The following LEKR1 variants were observed in gnomAD, a reference collection of about 807,000 sequenced individuals.
LEKR1 encodes leucine, glutamate and lysine rich 1.
Under a neutral mutation model 72.4 loss-of-function variants are expected in LEKR1, and 59 were observed. The ratio of observed to expected loss-of-function variants is 0.82; its 90% CI spans 0.66 to 1.01. LEKR1 has a LOEUF of 1.01. Among genes scored for constraint, LEKR1 ranks in the 50% least tolerant of loss-of-function variants. LEKR1 has a pLI of 0.00. For missense variants in LEKR1, 728 were observed against 759.2 expected (o/e 0.96, Z 0.48); for synonymous variants, 257 against 263.2 (o/e 0.98, Z 0.23).
intron 3 of LEKR1, among the ~76,000 whole-genome samples, chr3:156,873,429 A>T (rs1718195330): frequency 6.6e-6 from 1 of 151,902 alleles, no homozygotes; most frequent in Non-Finnish European, 1.5e-5. Context: ...GTTATTATTG[A>T]TATGCAAAGG....
intron 3 of LEKR1, among the ~76,000 whole-genome samples, chr3:156,865,372 T>C (rs1717189280): frequency 1.3e-5 from 2 of 152,016 alleles, no homozygotes; most frequent in South Asian, 4.1e-4. Context: ...TTACTCTGAG[T>C]ATTAAATGGG....
intron 3 of LEKR1, among the ~76,000 whole-genome samples, chr3:156,893,685 C>T (rs1388353288): frequency 6.6e-6 from 1 of 152,132 alleles, no homozygotes; most frequent in East Asian, 1.9e-4. Flanking sequence ...TTCTTGATGC[C>T]CTTACCAGAA....
intron 12 of LEKR1, among the ~76,000 whole-genome samples, chr3:157,031,676 A>T (rs1734620634): frequency 6.6e-6 from 1 of 152,210 alleles, no homozygotes; most frequent in African/African-American, 2.4e-5. Flanking sequence ...AATTTCTCAG[A>T]TTCTGGAGAA....
chr3:156,945,494 C>G (rs1319761070), intron 6 of LEKR1, among the ~76,000 whole-genome samples: 1 of 151,678 alleles, frequency 6.6e-6, no homozygotes, highest in Admixed American at 6.6e-5. Flanking sequence ...GCTGCCTGCG[C>G]TTGTGGGGTA....
chr3:156,848,348 A>G (rs1415514683), intron 2 of LEKR1, among the ~76,000 whole-genome samples: 1 of 152,186 alleles, frequency 6.6e-6, no homozygotes, highest in Non-Finnish European at 1.5e-5. Flanking sequence ...ATTACAACCA[A>G]TGAACTTAAT....
chr3:156,857,155 A>G (rs747286221), intron 3 of LEKR1, among the ~76,000 whole-genome samples: 34 of 152,078 alleles, frequency 2.2e-4, no homozygotes, highest in Non-Finnish European at 3.4e-4. Context: ...ATGCTTTTCT[A>G]TCTTCTATTG....
chr3:156,854,254 C>T (rs573074683), intron 3 of LEKR1, among the ~76,000 whole-genome samples: 88 of 149,142 alleles, frequency 5.9e-4, no homozygotes, highest in African/African-American at 2.1e-3. Flanking sequence ...AGCAATTTTC[C>T]TGCGTCAGCC....
chr3:156,831,973 G>C (rs1453740306), intron 2 of LEKR1, among the ~76,000 whole-genome samples: 2 of 152,162 alleles, frequency 1.3e-5, no homozygotes, highest in Non-Finnish European at 2.9e-5. Flanking sequence ...TTTTTAATCT[G>C]TGTGTTATGG....
intron 6 of LEKR1, among the ~76,000 whole-genome samples, chr3:156,958,844 TA>T (rs146651785): frequency 0.032 from 4,821 of 152,228 alleles, 113 homozygotes; most frequent in Non-Finnish European, 0.047. Context: ...CTCAACAAGG[TA>T]TTTTTTTTGT....
Position 156,992,698 on chromosome 3 carries a change from AC to A in LEKR1, c.874del (p.Leu292Ter). ...ATGACTGTCAAAGAGAACTTAAAAAACTGAAGTTTGAATCCATTATTTCTGA... is the reference window on the plus strand; with the variant it reads ...ATGACTGTCAAAGAGAACTTAAAAAATGAAGTTTGAATCCATTATTTCTGA... ...ADDCQRELKKLKFESIISESQ... is the reference protein window; with the variant it reads ...ADDCQRELKKXKFESIISESQ... On this transcript the variant is annotated frameshift_variant, in exon 8 of 13. Transcript: ENST00000356539. LOFTEE classifies it high-confidence loss of function. 2 of 1,045,850 alleles carry A rather than the reference AC, an allele frequency of 1.9e-6. No homozygotes were observed. Among genetic ancestry groups the A allele is most frequent in the Non-Finnish European group, 2.4e-6 (2 of 830,320 alleles). The allele number at this position is 1,045,850 out of a possible 1,614,324, so 64.8% of individuals were successfully genotyped here.
At chr3:156,950,442 ACTGATATTGATT>A (rs924049446) in intron 6 of LEKR1, among the ~76,000 whole-genome samples, 2 of 151,386 alleles carry the variant, frequency 1.3e-5, no homozygotes, top group African/African-American at 4.8e-5. Flanking sequence ...TGGCCATTTT[ACTGATATTGATT>A]CTTCCAATCC....
intron 6 of LEKR1, among the ~76,000 whole-genome samples, chr3:156,955,351 T>C (rs900680230): frequency 3.9e-5 from 6 of 152,034 alleles, no homozygotes; most frequent in African/African-American, 1.4e-4. Context: ...TTCACTTGCC[T>C]GATTGCTCCG....
intron 3 of LEKR1, among the ~76,000 whole-genome samples, chr3:156,899,495 CATATAT>C: frequency 8.8e-6 from 1 of 113,632 alleles, no homozygotes; most frequent in South Asian, 2.6e-4. Context: ...CATATATACA[CATATAT>C]ACATGTATAT....
chr3:157,045,193 T>C (rs1387648777), intron 12 of LEKR1, 147 bp from the exon 13 acceptor site: 12 of 637,924 alleles, frequency 1.9e-5, no homozygotes, highest in Non-Finnish European at 2.9e-5. Flanking sequence ...TCTTGACTTG[T>C]CTGTCCCATG....
chr3:156,917,652 C>T lies in LEKR1; in HGVS notation c.264-2923C>T, dbSNP rs142768906. On this transcript the variant is annotated intron_variant, in intron 3 of 12. Coordinates refer to ENST00000356539, the MANE Select transcript of LEKR1 (RefSeq NM_001004316.3). ...TTTTTAAAATATGTGATTTTCTATT[C>T]AGCCAAACTGTTCCATCTGAGATAA... Among the ~76,000 whole-genome samples, 752 of 152,232 alleles carry T rather than the reference C, an allele frequency of 4.9e-3. 4 individuals carry two copies. Among genetic ancestry groups the T allele is most frequent in the Middle Eastern group, 0.02 (6 of 294 alleles).
intron 6 of LEKR1, among the ~76,000 whole-genome samples, chr3:156,961,146 GA>G (rs1189520943): frequency 2.0e-5 from 3 of 152,090 alleles, no homozygotes. Context: ...TATTCCAAGT[GA>G]AAAAACTTTT....
chr3:156,874,321 A>G (rs998278086), intron 3 of LEKR1, among the ~76,000 whole-genome samples: 50 of 151,958 alleles, frequency 3.3e-4, no homozygotes, highest in Middle Eastern at 6.8e-3. Flanking sequence ...AAGGATATCT[A>G]TTTTCATTAG....
At chr3:156,945,622 C>T (rs927908228) in intron 6 of LEKR1, among the ~76,000 whole-genome samples, 1 of 151,562 alleles carries the variant, frequency 6.6e-6, no homozygotes, top group African/African-American at 2.4e-5. Context: ...TGATTTGATT[C>T]TTGTATATGG....
intron 3 of LEKR1, among the ~76,000 whole-genome samples, chr3:156,899,459 T>G (rs1364521780): frequency 1.3e-5 from 1 of 76,728 alleles, no homozygotes; most frequent in African/African-American, 4.9e-5. Context: ...TATATACACA[T>G]ATATACATGT....
Sources: allele counts gnomAD v4.1 joint callset (sites outside exome capture counted in the v4.1 genomes callset), GRCh38; gene constraint gnomAD v4.1.1; transcripts MANE v1.5; gene names NCBI Gene and HGNC (gene_info 2026-07-23, HGNC 2026-07-21).